The following C1orf21 variants were observed in gnomAD, a reference collection of about 807,000 sequenced individuals.
C1orf21 encodes uncharacterized protein C1orf21.
In C1orf21, 3 loss-of-function variants were observed where a neutral mutation model predicts 18.7. The observed-to-expected ratio is 0.16, with a 90% CI of 0.07 to 0.42. The LOEUF is 0.42. C1orf21 is among the 10% of genes least tolerant of loss of function. The probability of loss-of-function intolerance (pLI) is 0.99; values close to 1 mark genes in which losing one functional copy is unlikely to be tolerated. For missense variants in C1orf21, 104 were observed against 143.6 expected, an observed-to-expected ratio of 0.72 and a Z score of 1.41; for synonymous variants, 41 against 46.4, an observed-to-expected ratio of 0.88 and a Z score of 0.47.
At chr1:184,597,870 C>T (rs1350223808) in intron 4 of C1orf21, among the ~76,000 whole-genome samples, 1 of 152,192 alleles carries the variant, frequency 6.6e-6, no homozygotes, top group Non-Finnish European at 1.5e-5. Flanking sequence ...GGTGTATCTG[C>T]TGCCACCAGT....
At chr1:184,548,167 A>G (rs1658753323) in intron 3 of C1orf21, among the ~76,000 whole-genome samples, 1 of 151,588 alleles carries the variant, frequency 6.6e-6, no homozygotes. Context: ...TAGGCAGGTA[A>G]ATGAAGGTGC....
At chr1:184,553,920 G>A (rs545550087) in intron 3 of C1orf21, among the ~76,000 whole-genome samples, 6 of 152,252 alleles carry the variant, frequency 3.9e-5, no homozygotes, top group East Asian at 1.9e-4. Context: ...TGATTTTCTC[G>A]GCTTGAAAGA....
At chr1:184,519,704 A>G (rs1437419361) in intron 3 of C1orf21, among the ~76,000 whole-genome samples, 1 of 152,186 alleles carries the variant, frequency 6.6e-6, no homozygotes, top group African/African-American at 2.4e-5. Flanking sequence ...AATTTCACTC[A>G]TCTATTGGCA....
chr1:184,460,610 T>TGTCGTC lies in C1orf21; in HGVS notation c.-124-16769_-124-16764dup, dbSNP rs148278320. On this transcript the variant is annotated intron_variant, in intron 1 of 5. Coordinates refer to ENST00000235307, the MANE Select transcript of C1orf21 (RefSeq NM_030806.4). ...GCATCTGGAGTTGGGCTGTTAGTAT[T>TGTCGTC]GTCGTCGTCGTCTTCTTCTTCTTCT... is the stretch of plus-strand genomic sequence containing the variant. Among the ~76,000 whole-genome samples the TGTCGTC allele has an allele frequency of 1.5e-3, 215 of 138,816 alleles. 3 individuals carry two copies. The highest frequency in any genetic ancestry group is 5.9e-3 in the African/African-American group (204 of 34,686). 91.1% of individuals were successfully genotyped at this position (138,816 alleles called of 152,430 possible). A position where few individuals can be genotyped will look rare whatever the true frequency, so the allele number is the denominator to read the frequency against.
In C1orf21 at chr1:184,423,836, C is replaced by T. The variant is rs569300615; in HGVS notation, c.-125+36468C>T. Among the ~76,000 whole-genome samples, 50 of 151,188 alleles carry T rather than the reference C, an allele frequency of 3.3e-4. 1 individual carries two copies. The highest frequency in any genetic ancestry group is 1.2e-3 in the African/African-American group (48 of 40,948). Reference sequence around the variant, plus strand: ...CATCCATCCATCTACCCATCCATCCCTCCACTCATCCATCCACCCATCGTC... The same window carrying T: ...CATCCATCCATCTACCCATCCATCCTTCCACTCATCCATCCACCCATCGTC... On this transcript the variant is annotated intron_variant, in intron 1 of 5. Coordinates refer to ENST00000235307, the MANE Select transcript of C1orf21 (RefSeq NM_030806.4).
At chr1:184,407,504 C>T (rs894860099) in intron 1 of C1orf21, among the ~76,000 whole-genome samples, 2 of 152,222 alleles carry the variant, frequency 1.3e-5, no homozygotes, top group Admixed American at 6.5e-5. Context: ...ACTTTCCCCA[C>T]GGGTCACATC....
intron 5 of C1orf21, among the ~76,000 whole-genome samples, chr1:184,611,279 CTTG>C (rs1236385931): frequency 6.6e-6 from 1 of 152,152 alleles, no homozygotes; most frequent in African/African-American, 2.4e-5. Context: ...GTTCTTATGA[CTTG>C]TTGTTTGACT....
chr1:184,538,660 T>C (rs1269001242), intron 3 of C1orf21, among the ~76,000 whole-genome samples: 2 of 152,228 alleles, frequency 1.3e-5, no homozygotes, highest in Non-Finnish European at 2.9e-5. Context: ...AGTAATGTCA[T>C]TCTTTTGCAT....
chr1:184,612,581 C>G (rs1659753309), intron 5 of C1orf21, among the ~76,000 whole-genome samples: 1 of 152,110 alleles, frequency 6.6e-6, no homozygotes. Context: ...CAAAAATTAG[C>G]CAGGCGTGGT....
intron 3 of C1orf21, among the ~76,000 whole-genome samples, chr1:184,537,069 C>T (rs1011926320): frequency 2.6e-5 from 4 of 152,038 alleles, no homozygotes; most frequent in African/African-American, 9.7e-5. Context: ...ATTGAAAAGG[C>T]ACATTTGTTA....
At chr1:184,600,759 T>TG (rs2102003433) in intron 5 of C1orf21, among the ~76,000 whole-genome samples, 1 of 152,298 alleles carries the variant, frequency 6.6e-6, no homozygotes, top group Non-Finnish European at 1.5e-5. Context: ...CCATGACAGG[T>TG]ACCCAGCTGT....
At chr1:184,596,523 C>T (rs1435401493) in intron 4 of C1orf21, among the ~76,000 whole-genome samples, 1 of 152,124 alleles carries the variant, frequency 6.6e-6, no homozygotes, top group Non-Finnish European at 1.5e-5. Flanking sequence ...TCTAGGGCAA[C>T]ATTTCTGGGG....
intron 1 of C1orf21, among the ~76,000 whole-genome samples, chr1:184,409,498 GA>G (rs1342788700): frequency 5.3e-5 from 8 of 152,068 alleles, no homozygotes; most frequent in Admixed American, 2.0e-4. Context: ...ATGGATCTTG[GA>G]AAATTAAAAC....
At chr1:184,509,442 G>C (rs1458877641) in intron 3 of C1orf21, among the ~76,000 whole-genome samples, 1 of 152,182 alleles carries the variant, frequency 6.6e-6, no homozygotes, top group South Asian at 2.1e-4. Flanking sequence ...CAGGATCCCA[G>C]TACACTTCAA....
At chr1:184,534,774 G>A (rs1261923452) in intron 3 of C1orf21, among the ~76,000 whole-genome samples, 1 of 152,124 alleles carries the variant, frequency 6.6e-6, no homozygotes. Flanking sequence ...AGTTGAACAG[G>A]TAACTCTGTA....
chr1:184,484,508 G>T (rs1657704628), intron 2 of C1orf21, among the ~76,000 whole-genome samples: 1 of 152,176 alleles, frequency 6.6e-6, no homozygotes, highest in African/African-American at 2.4e-5. Flanking sequence ...CTTGTGAGCT[G>T]GTTAGCTCCC....
chr1:184,479,022 G>A (rs1657613825), intron 2 of C1orf21, among the ~76,000 whole-genome samples: 1 of 152,196 alleles, frequency 6.6e-6, no homozygotes, highest in African/African-American at 2.4e-5. Flanking sequence ...GGAATGGTAC[G>A]AAAGAGCTAA....
At chr1:184,401,808 TTAA>T (rs745799074) in intron 1 of C1orf21, among the ~76,000 whole-genome samples, 13 of 151,724 alleles carry the variant, frequency 8.6e-5, no homozygotes, top group East Asian at 1.9e-4. Flanking sequence ...GAAATTAATT[TTAA>T]TAATATTTTT....
At chr1:184,453,095 G>A (rs1657146198) in intron 1 of C1orf21, among the ~76,000 whole-genome samples, 1 of 152,058 alleles carries the variant, frequency 6.6e-6, no homozygotes, top group South Asian at 2.1e-4. Context: ...GCTGGGAAGC[G>A]CACCATGAAA....
Sources: gnomAD v4.1 joint callset for allele counts (sites outside exome capture counted in the v4.1 genomes callset) on GRCh38, gnomAD v4.1.1 for gene constraint, MANE v1.5 for transcripts, NCBI Gene and HGNC (gene_info 2026-07-23, HGNC 2026-07-21) for gene names.